Variants in DAB2IP observed in about 807,000 individuals in gnomAD.
DAB2IP encodes DAB2 interacting protein.
Under a neutral mutation model 107.2 loss-of-function variants are expected in DAB2IP, and 28 were observed. That is an observed-to-expected ratio of 0.26 (90% CI 0.19 to 0.36). The LOEUF is 0.36. Ranked by LOEUF, DAB2IP falls within the 10% of genes least tolerant of loss-of-function variation. DAB2IP has a pLI of 1.00. For synonymous variants in DAB2IP, 755 were observed against 706.4 expected (o/e 1.07, Z -1.09); for missense variants, 1,400 against 1,644.7 (o/e 0.85, Z 2.57).
intron 1 of DAB2IP, among the ~76,000 whole-genome samples, chr9:121,673,416 T>C (rs1432953228): frequency 6.6e-6 from 1 of 152,220 alleles, no homozygotes; most frequent in Non-Finnish European, 1.5e-5. Context: ...CTGCCCAGGT[T>C]GTCCTGTGGG....
At chr9:121,704,265 A>G (rs1178045968) in intron 3 of DAB2IP, among the ~76,000 whole-genome samples, 1 of 152,134 alleles carries the variant, frequency 6.6e-6, no homozygotes, top group African/African-American at 2.4e-5. Flanking sequence ...AAATCCTGTA[A>G]TAATTCATAC....
At chr9:121,650,484 T>G (rs114614289), upstream of DAB2IP, among the ~76,000 whole-genome samples, 624 of 152,324 alleles carry the variant, frequency 4.1e-3, 5 homozygotes, top group African/African-American at 0.014. Flanking sequence ...GAAGATCCCC[T>G]AGCCGGCCTC....
chr9:121,664,338 A>G lies in DAB2IP; in HGVS notation c.124+12439A>G, dbSNP rs971037173. Among the ~76,000 whole-genome samples the G allele has an allele frequency of 3.1e-4, 47 of 151,990 alleles. 1 individual carries two copies. The highest frequency in any genetic ancestry group is 2.8e-3 in the Admixed American group (42 of 15,272). Reference sequence around the variant, plus strand: ...GAGACCAGGTAATGTAAGTCCCCCAACCTGTTTCTTCTTTCTCAACTTTGT... The same window carrying G: ...GAGACCAGGTAATGTAAGTCCCCCAGCCTGTTTCTTCTTTCTCAACTTTGT... On this transcript the variant is annotated intron_variant, in intron 1 of 15. Coordinates refer to ENST00000408936, the Ensembl canonical transcript of DAB2IP.
Position 121,772,701 on chromosome 9 carries a change from C to T in DAB2IP, c.2173C>T (p.Arg725Cys), listed in dbSNP as rs200771794. The T allele has an allele frequency of 1.2e-5, 19 of 1,614,008 alleles. No individual in the cohort carries two copies. The highest frequency in any genetic ancestry group is 6.7e-5 in the Admixed American group (4 of 60,026). ...CTCCGGGGTCCAGCCCTCACCTGCC[C>T]GCAGCTCGAGTTACTCGGAAGCCAA... is the stretch of plus-strand genomic sequence containing the variant. Residue 725 changes from arginine (R) to cysteine (C), a missense_variant, in exon 12 of 16, where the codon CGC (arginine) becomes TGC (cysteine). By Grantham distance (180) the Arg-to-Cys change is radical. Coordinates refer to ENST00000408936, the Ensembl canonical transcript of DAB2IP. The surrounding 1 kb of genome is among the most constrained non-coding windows in gnomAD (Gnocchi z 4.7).
At chr9:121,761,747 C>T (rs1258331265) in intron 6 of DAB2IP, among the ~76,000 whole-genome samples, 1 of 152,232 alleles carries the variant, frequency 6.6e-6, no homozygotes, top group Non-Finnish European at 1.5e-5. Context: ...CACGTTGGGC[C>T]AGCTCTGGCT....
exon 16 of DAB2IP, chr9:121,783,416 CA>C: frequency 1.3e-6 from 2 of 1,599,912 alleles, no homozygotes; most frequent in Non-Finnish European, 1.7e-6. Flanking sequence ...TAGGGAGTGC[CA>C]CCTGGTGCTC....
At chr9:121,777,294 C>T (rs1373244465) in intron 14 of DAB2IP, among the ~76,000 whole-genome samples, 1 of 152,168 alleles carries the variant, frequency 6.6e-6, no homozygotes, top group Non-Finnish European at 1.5e-5. Flanking sequence ...TGACATAAGC[C>T]CTTCCCAGAT....
At chr9:121,649,937 G>A (rs1257794581), upstream of DAB2IP, among the ~76,000 whole-genome samples, 1 of 152,232 alleles carries the variant, frequency 6.6e-6, no homozygotes, top group Non-Finnish European at 1.5e-5. Context: ...GGCCCAGGAT[G>A]GCTTTGAATG....
chr9:121,671,041 C>A, intron 1 of DAB2IP, among the ~76,000 whole-genome samples: 1 of 152,210 alleles, frequency 6.6e-6, no homozygotes, highest in Non-Finnish European at 1.5e-5. Context: ...GTCCCAGCTA[C>A]TCGGGATGCT....
chr9:121,686,225 G>T (rs1564156005), intron 2 of DAB2IP, among the ~76,000 whole-genome samples: 2 of 152,194 alleles, frequency 1.3e-5, no homozygotes, highest in Non-Finnish European at 2.9e-5. Flanking sequence ...TTGGGCAGGG[G>T]TAGGGGGAAG....
At chr9:121,632,074 T>C (rs1237030548) in intron 1 of DAB2IP, among the ~76,000 whole-genome samples, 1 of 151,994 alleles carries the variant, frequency 6.6e-6, no homozygotes, top group East Asian at 1.9e-4. Context: ...GTCCCAGCCA[T>C]GGAATGAGGT....
intron 1 of DAB2IP, among the ~76,000 whole-genome samples, chr9:121,643,925 T>TG (rs1241674614): frequency 6.6e-6 from 1 of 152,202 alleles, no homozygotes; most frequent in Non-Finnish European, 1.5e-5. Context: ...CCCAGTGCTT[T>TG]GGGACAATAA....
At chr9:121,695,590 G>C (rs1045002513) in intron 2 of DAB2IP, among the ~76,000 whole-genome samples, 2 of 152,206 alleles carry the variant, frequency 1.3e-5, no homozygotes, top group African/African-American at 4.8e-5. Context: ...TGGTCAGCAA[G>C]CGTGGGCTCC....
Position 121,696,330 on chromosome 9 carries a change from G to T in DAB2IP, c.229-2995G>T, listed in dbSNP as rs1207138941. ...TGGGCTGTCAGTGGGCTCCACTGCG[G>T]TCCCGGAAAGTGGGTATCAAGAACC... On this transcript the variant is annotated intron_variant, in intron 2 of 15. Transcript: ENST00000408936. Among the ~76,000 whole-genome samples the T allele has an allele frequency of 3.3e-5, 5 of 152,312 alleles. No individual in the cohort carries two copies. In the East Asian group the frequency reaches 9.6e-4, roughly 29 times the overall value.
chr9:121,771,487 T>G (rs1248415552), intron 11 of DAB2IP, among the ~76,000 whole-genome samples: 2 of 152,060 alleles, frequency 1.3e-5, no homozygotes, highest in Non-Finnish European at 2.9e-5. Flanking sequence ...ATCAAGAACC[T>G]GGGGTTAGGG....
At chr9:121,730,220 T>G (rs1267595440) in intron 3 of DAB2IP, among the ~76,000 whole-genome samples, 3 of 152,154 alleles carry the variant, frequency 2.0e-5, no homozygotes, top group Non-Finnish European at 2.9e-5. Flanking sequence ...TGTTCCTATC[T>G]CCCTCCTCTC....
At chr9:121,679,795 C>T (rs903768929) in intron 2 of DAB2IP, among the ~76,000 whole-genome samples, 1 of 151,958 alleles carries the variant, frequency 6.6e-6, no homozygotes, top group African/African-American at 2.4e-5. Flanking sequence ...GGGGGTCCCA[C>T]GGGAGCTGGC....
intron 1 of DAB2IP, among the ~76,000 whole-genome samples, chr9:121,638,947 A>G (rs1382079686): frequency 1.3e-5 from 2 of 152,096 alleles, no homozygotes; most frequent in African/African-American, 4.8e-5. Flanking sequence ...CAAAGGAAAG[A>G]AGCAGTGAAG....
intron 3 of DAB2IP, among the ~76,000 whole-genome samples, chr9:121,749,315 T>C (rs1488576774): frequency 6.6e-6 from 1 of 152,278 alleles, no homozygotes; most frequent in Non-Finnish European, 1.5e-5. Context: ...ATTGTGACCA[T>C]GTCCAGACTC....
Sources: gnomAD v4.1 joint callset for allele counts (sites outside exome capture counted in the v4.1 genomes callset) on GRCh38, gnomAD v4.1.1 for gene constraint, Gnocchi (gnomAD v3.1) non-coding constraint, MANE v1.5 for transcripts, NCBI Gene and HGNC (gene_info 2026-07-23, HGNC 2026-07-21) for gene names.